The following UGT1A7 variants were observed in gnomAD, a reference collection of about 807,000 sequenced individuals.
UGT1A7 encodes UDP glucuronosyltransferase family 1 member A7.
Under a neutral mutation model 45.6 loss-of-function variants are expected in UGT1A7, and 33 were observed. The ratio of observed to expected loss-of-function variants is 0.72; its 90% CI spans 0.55 to 0.97. The LOEUF is 0.97. Among genes scored for constraint, UGT1A7 ranks in the 50% least tolerant of loss-of-function variants. UGT1A7 has a pLI of 0.00. For synonymous variants in UGT1A7, 274 were observed against 250.6 expected (o/e 1.09, Z -0.88); for missense variants, 684 against 666.2 (o/e 1.03, Z -0.29).
intron 1 of UGT1A7, among the ~76,000 whole-genome samples, chr2:233,719,887 G>C (rs2076812718): frequency 6.6e-6 from 1 of 152,130 alleles, no homozygotes; most frequent in Non-Finnish European, 1.5e-5. Flanking sequence ...CACGGATGAG[G>C]GTCTGTCAGA....
intron 1 of UGT1A7, chr2:233,719,544 G>C (rs1282092196): frequency 1.2e-6 from 2 of 1,613,824 alleles, no homozygotes; most frequent in Non-Finnish European, 1.7e-6. Context: ...TTTTCAGAGA[G>C]AGGTGTCAGT....
intron 1 of UGT1A7, chr2:233,690,639 A>C: frequency 7.8e-7 from 1 of 1,287,678 alleles, no homozygotes; most frequent in South Asian, 1.2e-5. Context: ...ACCTGAGGAC[A>C]CCTTGACTCC....
At chr2:233,747,346 G>T in intron 1 of UGT1A7, 1 of 1,603,164 alleles carries the variant, frequency 6.2e-7, no homozygotes, top group African/African-American at 1.3e-5. Flanking sequence ...GCTCGCATGC[G>T]GGAGGCCGTG....
At chr2:233,705,248 A>G (rs2125599704) in intron 1 of UGT1A7, among the ~76,000 whole-genome samples, 1 of 152,180 alleles carries the variant, frequency 6.6e-6, no homozygotes, top group African/African-American at 2.4e-5. Flanking sequence ...ATGAATTCAG[A>G]TTATTCTATG....
At chr2:233,689,335 A>G (rs910891735) in intron 1 of UGT1A7, among the ~76,000 whole-genome samples, 4 of 152,252 alleles carry the variant, frequency 2.6e-5, no homozygotes, top group African/African-American at 9.6e-5. Flanking sequence ...GAGATTTGCA[A>G]TGGGAGAAAG....
intron 1 of UGT1A7, among the ~76,000 whole-genome samples, chr2:233,751,139 G>A (rs1273905721): frequency 6.6e-6 from 1 of 151,986 alleles, no homozygotes; most frequent in East Asian, 1.9e-4. Context: ...TGAGACTGTG[G>A]GAGCCCACTT....
chr2:233,760,466 T>A (rs370892808), intron 1 of UGT1A7: 5 of 1,614,114 alleles, frequency 3.1e-6, no homozygotes, highest in Non-Finnish European at 4.2e-6. Context: ...ATAGTTGTCC[T>A]AGCACCTGAC....
intron 1 of UGT1A7, among the ~76,000 whole-genome samples, chr2:233,753,860 A>G (rs1273913066): frequency 1.3e-5 from 2 of 152,194 alleles, no homozygotes; most frequent in Non-Finnish European, 2.9e-5. Flanking sequence ...CCAACCACAT[A>G]ACCCCAAGGT....
intron 1 of UGT1A7, among the ~76,000 whole-genome samples, chr2:233,724,753 G>A (rs1402032405): frequency 3.5e-5 from 5 of 143,708 alleles, no homozygotes; most frequent in African/African-American, 1.1e-4. Context: ...CATCCCAGAC[G>A]ATGGGCGGCC....
At chr2:233,743,969 G>GC in intron 1 of UGT1A7, 3 of 1,324,978 alleles carry the variant, frequency 2.3e-6, no homozygotes, top group South Asian at 2.4e-5. Flanking sequence ...CGGCAAGGCT[G>GC]CCAGCACCCA....
intron 1 of UGT1A7, chr2:233,719,772 T>G: frequency 6.2e-7 from 1 of 1,611,636 alleles, no homozygotes; most frequent in South Asian, 1.1e-5. Flanking sequence ...CTTCCATATC[T>G]ACTTATCTTT....
At chr2:233,729,474 G>C (rs1258880128) in intron 1 of UGT1A7, 53 of 1,614,092 alleles carry the variant, frequency 3.3e-5, no homozygotes, top group Non-Finnish European at 4.2e-5. Flanking sequence ...GTATGGCAAT[G>C]TTGAACAATA....
chr2:233,716,339 C>A (rs998115073), intron 1 of UGT1A7, among the ~76,000 whole-genome samples: 4 of 152,212 alleles, frequency 2.6e-5, no homozygotes, highest in African/African-American at 9.7e-5. Context: ...CAGGTTTGCG[C>A]AACTACAATG....
At chr2:233,748,154 C>T (rs1428123835) in intron 1 of UGT1A7, 2 of 1,600,806 alleles carry the variant, frequency 1.2e-6, no homozygotes, top group Non-Finnish European at 1.7e-6. Flanking sequence ...CTTACAATTG[C>T]TTCCATATCT....
In UGT1A7 at chr2:233,682,317, T is replaced by A; in HGVS notation, c.380T>A (p.Leu127Ter). The change falls in exon 1 of 5, where the codon TTG becomes TAG. Residue 127 changes from leucine to a stop codon, truncating the protein, a stop_gained. Transcript: ENST00000373426. LOFTEE classifies it high-confidence loss of function. ...FDLFFSNCRS[L>*]FNDRKLVEYL... The stretch of plus-strand genomic sequence containing the variant: ...TTATTTTTTTCAAATTGCAGGAGTT[T>A]GTTTAATGACCGAAAATTAGTAGAA... 1 of 1,614,198 alleles carries A rather than the reference T, an allele frequency of 6.2e-7. No homozygotes were observed. The highest frequency in any genetic ancestry group is 8.5e-7 in the Non-Finnish European group (1 of 1,180,022).
At chr2:233,752,746 AAAACAAACAAAC>A (rs200752387) in intron 1 of UGT1A7, among the ~76,000 whole-genome samples, 1 of 152,190 alleles carries the variant, frequency 6.6e-6, no homozygotes, top group East Asian at 1.9e-4. Flanking sequence ...CCCTGTCTCT[AAAACAAACAAAC>A]AAACAAACAA....
chr2:233,734,931 C>T (rs921627257), intron 1 of UGT1A7, among the ~76,000 whole-genome samples: 9 of 152,162 alleles, frequency 5.9e-5, no homozygotes, highest in Non-Finnish European at 8.8e-5. Flanking sequence ...GCTTTACTTA[C>T]AATCATATGG....
At position 233,768,425 on chromosome 2, in the gene UGT1A7, C is replaced by A. The variant is rs1021872145; in HGVS notation, c.1281C>A (p.Val427=). 5.0e-6 allele frequency: 8 copies of A among 1,613,756 alleles called. No individual in the cohort carries two copies. Among genetic ancestry groups the A allele is most frequent in the Non-Finnish European group, 5.9e-6 (7 of 1,179,962 alleles). Residue 427 remains valine, a synonymous_variant, in exon 4 of 5, where the codon GTC becomes GTA. Transcript: ENST00000373426. ...ATTTAGAAAATGCTCTAAAAGCAGTCATCAATGACAAAAGGTAAGAAAGAA... is the reference window on the plus strand; with the variant it reads ...ATTTAGAAAATGCTCTAAAAGCAGTAATCAATGACAAAAGGTAAGAAAGAA... The part of the protein sequence containing the change: ...SEDLENALKA[V]INDKSYKENI...
At chr2:233,715,907 A>G (rs1294702392) in intron 1 of UGT1A7, among the ~76,000 whole-genome samples, 1 of 152,180 alleles carries the variant, frequency 6.6e-6, no homozygotes, top group East Asian at 1.9e-4. Flanking sequence ...CTCAGGTGGG[A>G]GGATCATTGA....
Sources: gnomAD v4.1 joint callset for allele counts (sites outside exome capture counted in the v4.1 genomes callset) on GRCh38, gnomAD v4.1.1 for gene constraint, MANE v1.5 for transcripts, NCBI Gene and HGNC (gene_info 2026-07-23, HGNC 2026-07-21) for gene names.